Variants in RUNX1T1 observed in about 807,000 individuals in gnomAD.
The protein encoded by RUNX1T1 is RUNX1 partner transcriptional co-repressor 1.
Under a neutral mutation model 62.8 loss-of-function variants are expected in RUNX1T1, and 4 were observed. That is an observed-to-expected ratio of 0.06 (90% CI 0.03 to 0.15). RUNX1T1 has a LOEUF of 0.15. Among genes scored for constraint, RUNX1T1 ranks in the 10% least tolerant of loss-of-function variants. The pLI, the probability that RUNX1T1 is intolerant of heterozygous loss-of-function variation, is 1.00. For missense variants in RUNX1T1, 508 were observed against 754.3 expected (o/e 0.67, Z 3.82); for synonymous variants, 291 against 286.0 (o/e 1.02, Z -0.18).
At chr8:91,967,580 G>A (rs182218892) in intron 10 of RUNX1T1, among the ~76,000 whole-genome samples, 2 of 152,288 alleles carry the variant, frequency 1.3e-5, no homozygotes, top group Admixed American at 1.3e-4. Context: ...AGAAAACTGA[G>A]ATAGGAAGAG....
chr8:92,054,358 A>T (rs1339841061), intron 1 of RUNX1T1, among the ~76,000 whole-genome samples: 1 of 152,204 alleles, frequency 6.6e-6, no homozygotes, highest in Non-Finnish European at 1.5e-5. Flanking sequence ...GACAATGTGC[A>T]TCAAGCATAA....
chr8:91,988,372 G>C (rs921151713), intron 6 of RUNX1T1, among the ~76,000 whole-genome samples: 1 of 152,070 alleles, frequency 6.6e-6, no homozygotes, highest in Non-Finnish European at 1.5e-5. Flanking sequence ...AAAAGTAAAA[G>C]TGCAAATATG....
chr8:92,003,001 C>T (rs1453786653), intron 5 of RUNX1T1, among the ~76,000 whole-genome samples: 1 of 152,200 alleles, frequency 6.6e-6, no homozygotes, highest in African/African-American at 2.4e-5. Flanking sequence ...TCTCATTACC[C>T]TTCCTCCTAA....
chr8:92,065,622 T>G (rs1186292120), upstream of RUNX1T1, among the ~76,000 whole-genome samples: 1 of 152,218 alleles, frequency 6.6e-6, no homozygotes, highest in African/African-American at 2.4e-5. Flanking sequence ...CATTATGGTA[T>G]TGTATGATTC....
chr8:92,080,753 TACTG>T (rs1234400732), intron 1 of RUNX1T1, among the ~76,000 whole-genome samples: 2 of 152,218 alleles, frequency 1.3e-5, no homozygotes, highest in African/African-American at 4.8e-5. Flanking sequence ...GTTCACTAAA[TACTG>T]ACTGAGTAAA....
intron 10 of RUNX1T1, among the ~76,000 whole-genome samples, chr8:91,962,451 CA>C (rs1810699409): frequency 1.3e-5 from 2 of 152,104 alleles, no homozygotes; most frequent in African/African-American, 2.4e-5. Flanking sequence ...AGTAGTAGAA[CA>C]AAACAATTTT....
At chr8:91,999,246 G>C (rs1819299960) in intron 5 of RUNX1T1, among the ~76,000 whole-genome samples, 2 of 152,186 alleles carry the variant, frequency 1.3e-5, no homozygotes, top group Non-Finnish European at 2.9e-5. Context: ...TGTGAGAGCA[G>C]AATGAGAGAT....
chr8:91,966,163 C>CTATA lies in RUNX1T1; in HGVS notation c.1458+4491_1458+4494dup, dbSNP rs60514195. On this transcript the variant is annotated intron_variant, in intron 10 of 10. Transcript: ENST00000396218. ...ATTGTACATATTGTATATTGTATAA[C>CTATA]TATATATATATATATATGTAACATA... Among the ~76,000 whole-genome samples the CTATA allele has an allele frequency of 1.2e-3, 173 of 145,030 alleles. 1 individual carries two copies. Among genetic ancestry groups the CTATA allele is most frequent in the African/African-American group, 2.2e-3 (89 of 39,794 alleles).
intron 5 of RUNX1T1, among the ~76,000 whole-genome samples, chr8:92,003,038 T>G (rs931477507): frequency 6.6e-6 from 1 of 152,204 alleles, no homozygotes. Context: ...TTGCCATCTT[T>G]GAGATATAAT....
chr8:92,032,426 T>C (rs1304356930), intron 1 of RUNX1T1, among the ~76,000 whole-genome samples: 2 of 152,154 alleles, frequency 1.3e-5, no homozygotes, highest in African/African-American at 2.4e-5. Flanking sequence ...TGTAAGTGCA[T>C]ATTTATTTAA....
At chr8:91,970,824 C>T (rs554387102) in exon 10 of RUNX1T1, 5 of 1,610,288 alleles carry the variant, frequency 3.1e-6, no homozygotes, top group African/African-American at 1.3e-5. Flanking sequence ...CATCGCCTGG[C>T]GCTTCACCTC....
intron 8 of RUNX1T1, 29 bp from the exon 10 acceptor site, chr8:91,976,002 AGAG>A (rs781307477): frequency 4.0e-6 from 6 of 1,493,358 alleles, no homozygotes; most frequent in African/African-American, 1.4e-5. Flanking sequence ...GGGGGTGGAG[AGAG>A]GAGGAGAGTA....
intron 9 of RUNX1T1, among the ~76,000 whole-genome samples, chr8:91,972,757 C>A (rs909306116): frequency 2.6e-5 from 4 of 152,000 alleles, no homozygotes; most frequent in African/African-American, 9.7e-5. Context: ...ATCCCACAGG[C>A]ATATACAGAT....
At chr8:91,956,970 T>TA (rs376835776), downstream of RUNX1T1, 5,657 of 102,848 alleles carry the variant, frequency 0.055, 151 homozygotes, top group African/African-American at 0.14. Context: ...CACCTACACA[T>TA]AAAAAAAAAA....
chr8:92,017,202 C>T, intron 2 of RUNX1T1, 24 bp downstream of exon 3: 1 of 1,492,720 alleles, frequency 6.7e-7, no homozygotes, highest in African/African-American at 1.4e-5. Context: ...AACTGAAACT[C>T]AAAAGCCTGA....
At chr8:91,969,966 G>A (rs1812437677) in intron 10 of RUNX1T1, among the ~76,000 whole-genome samples, 1 of 150,784 alleles carries the variant, frequency 6.6e-6, no homozygotes, top group African/African-American at 2.4e-5. Flanking sequence ...AAATCATGTT[G>A]TTAGATATTG....
exon 11 of RUNX1T1, chr8:91,960,274 T>A: frequency 1.9e-6 from 3 of 1,609,766 alleles, no homozygotes; most frequent in Non-Finnish European, 2.5e-6. Context: ...GTGGAAGGGG[T>A]TCCCGGGGTG....
downstream of RUNX1T1, chr8:91,956,957 A>G (rs932206564): frequency 5.0e-6 from 1 of 199,366 alleles, no homozygotes; most frequent in Non-Finnish European, 1.0e-5. Context: ...TCCCCAAGAC[A>G]TGCACCTACA....
rs1402982083 is a variant in RUNX1T1 at position 92,014,428 on chromosome 8, G to A, written c.387+151C>T. On this transcript the variant is annotated intron_variant, in intron 3 of 10. Coordinates refer to ENST00000396218, the Ensembl canonical transcript of RUNX1T1. Reference sequence around the variant, plus strand: ...TATATAATGCAGAATTTAAAAGACTGTCACTATAGCATGAATCAGACTTGC... The same window carrying A: ...TATATAATGCAGAATTTAAAAGACTATCACTATAGCATGAATCAGACTTGC... 11 of 704,824 alleles carry A rather than the reference G, an allele frequency of 1.6e-5. No individual in the cohort carries two copies. The Admixed American group carries it at 2.3e-4, about 15-fold the overall frequency. The allele number at this position is 704,824 out of a possible 1,614,324, so 43.7% of individuals were successfully genotyped here.
Sources: gnomAD v4.1 joint callset for allele counts (sites outside exome capture counted in the v4.1 genomes callset) on GRCh38, gnomAD v4.1.1 for gene constraint, MANE v1.5 for transcripts, NCBI Gene and HGNC (gene_info 2026-07-23, HGNC 2026-07-21) for gene names.